Variants in MMP12 observed in about 807,000 individuals in gnomAD.
MMP12 encodes macrophage metalloelastase.
A neutral mutation model predicts 45.2 loss-of-function variants in MMP12; 51 were observed. The ratio of observed to expected loss-of-function variants is 1.13; its 90% CI spans 0.90 to 1.42. MMP12 has a LOEUF of 1.42. MMP12 is among the 40% of genes most tolerant of loss of function. The pLI is 0.00. For synonymous variants in MMP12, 210 were observed against 193.3 expected (o/e 1.09, Z -0.72); for missense variants, 530 against 570.8 (o/e 0.93, Z 0.73).
intron 4 of MMP12, 119 bp downstream of exon 4, chr11:102,871,475 A>G: frequency 7.9e-7 from 1 of 1,264,778 alleles, no homozygotes; most frequent in African/African-American, 1.5e-5. Context: ...TTTCCATCAT[A>G]TAATCATTTG....
Position 102,868,088 on chromosome 11 carries a change from A to G in MMP12, c.626-19T>C. ...TTTGTGCCTAAGAAGAAACCAACCA[A>G]AAGACAGCTGTGAAATGCATTATCA... On this transcript the variant is annotated intron_variant, in intron 4 of 9. Transcript: ENST00000571244. 1 of 1,576,640 alleles carries G rather than the reference A, an allele frequency of 6.3e-7. No individual in the cohort carries two copies. Among genetic ancestry groups the G allele is most frequent in the Non-Finnish European group, 8.6e-7 (1 of 1,157,982 alleles).
chr11:102,872,490 G>A (rs976285081), intron 2 of MMP12, among the ~76,000 whole-genome samples: 11 of 152,068 alleles, frequency 7.2e-5, no homozygotes, highest in Admixed American at 4.6e-4. Flanking sequence ...ACAGGTGCGC[G>A]CCACCACGCC....
rs782703310 is a variant in MMP12 at position 102,872,855 on chromosome 11, C to G, written c.350+10G>C. On this transcript the variant is annotated intron_variant, in intron 2 of 9. Coordinates refer to ENST00000571244, the MANE Select transcript of MMP12 (RefSeq NM_002426.6). ...GTAGAAAAATACAGGGCGACATACA[C>G]CAACGTTACCTGTAGGTGATATAAT... The G allele has an allele frequency of 3.7e-6, 6 of 1,613,024 alleles. No homozygotes were observed. The highest frequency in any genetic ancestry group is 5.1e-6 in the Non-Finnish European group (6 of 1,179,598).
intron 4 of MMP12, among the ~76,000 whole-genome samples, chr11:102,869,670 G>A (rs562560644): frequency 6.6e-6 from 1 of 152,104 alleles, no homozygotes; most frequent in Non-Finnish European, 1.5e-5. Flanking sequence ...CAGCACTTTG[G>A]GAGACCAAGG....
At chr11:102,867,491 A>G (rs187107405) in intron 5 of MMP12, 98 bp from the exon 6 acceptor site, 21 of 1,173,446 alleles carry the variant, frequency 1.8e-5, no homozygotes, top group Non-Finnish European at 2.4e-5. Context: ...CTTAATGAAC[A>G]TTGCATCAAA....
At position 102,867,932 on chromosome 11, in the gene MMP12, T is replaced by C; in HGVS notation, c.763A>G (p.Ile255Val). The change falls in exon 5 of 10, where the codon ATA (isoleucine) becomes GTA (valine). Residue 255 changes from isoleucine (I) to valine (V), a missense_variant. Transcript: ENST00000571244. ...INTFRLSADDIRGIQSLYGDP... is the reference protein window; with the variant it reads ...INTFRLSADDVRGIQSLYGDP... ...CCATACAGGGACTGAATGCCACGTA[T>C]GTCATCAGCAGAGAGGCGAAATGTG... 1.9e-6 allele frequency: 3 copies of C among 1,610,484 alleles called. No homozygotes were observed. Among genetic ancestry groups the C allele is most frequent in the South Asian group, 2.2e-5 (2 of 89,898 alleles).
intron 1 of MMP12, 66 bp from the exon 2 acceptor site, chr11:102,873,178 A>G: frequency 7.0e-7 from 1 of 1,422,860 alleles, no homozygotes; most frequent in Non-Finnish European, 9.6e-7. Context: ...GGAGCTCCAC[A>G]TATATGACTC....
At position 102,865,643 on chromosome 11, in the gene MMP12, T is replaced by C. The variant is rs1859370809; in HGVS notation, c.1205+133A>G. Reference sequence around the variant, plus strand: ...GTTGACAATAACTATTTCAGTCCTATATTCTCTTAATCTCTCTCCCTGGAA... The same window carrying C: ...GTTGACAATAACTATTTCAGTCCTACATTCTCTTAATCTCTCTCCCTGGAA... On this transcript the variant is annotated intron_variant, in intron 8 of 9. Transcript: ENST00000571244. This position sits in a 1 kb window ranked among gnomAD's most constrained non-coding sequence, Gnocchi z 4.1. 1 of 638,710 alleles carries C rather than the reference T, an allele frequency of 1.6e-6. No homozygotes were observed. The highest frequency in any genetic ancestry group is 2.5e-6 in the Non-Finnish European group (1 of 403,198). 39.6% of individuals were successfully genotyped at this position (638,710 alleles called of 1,614,324 possible).
In MMP12 at chr11:102,865,221, G is replaced by T. The variant is rs1329555451; in HGVS notation, c.1205+555C>A. Among the ~76,000 whole-genome samples, 3 of 152,104 alleles carry T rather than the reference G, an allele frequency of 2.0e-5. No homozygotes were observed. Among genetic ancestry groups the T allele is most frequent in the Non-Finnish European group, 4.4e-5 (3 of 68,004 alleles). ...AGGCAAGCAATCTAGGAAATGACTGGCTTACTCAGAAGAAGGAATACAGAA... is the reference window on the plus strand; with the variant it reads ...AGGCAAGCAATCTAGGAAATGACTGTCTTACTCAGAAGAAGGAATACAGAA... On this transcript the variant is annotated intron_variant, in intron 8 of 9. Transcript: ENST00000571244. This position sits in a 1 kb window ranked among gnomAD's most constrained non-coding sequence, Gnocchi z 4.1.
At chr11:102,869,167 C>T (rs1859448418) in intron 4 of MMP12, among the ~76,000 whole-genome samples, 1 of 152,112 alleles carries the variant, frequency 6.6e-6, no homozygotes, top group Non-Finnish European at 1.5e-5. Flanking sequence ...TTGTCTTTTT[C>T]TATGACAAAA....
At chr11:102,864,831 T>A (rs1304451666) in intron 8 of MMP12, among the ~76,000 whole-genome samples, 2 of 152,240 alleles carry the variant, frequency 1.3e-5, no homozygotes, top group African/African-American at 4.8e-5. Context: ...CTAACTGTTA[T>A]CTTGTGTTTA....
At chr11:102,863,366 T>C (rs1435285280) in intron 9 of MMP12, among the ~76,000 whole-genome samples, 166 bp from the exon 10 acceptor site, 2 of 152,160 alleles carry the variant, frequency 1.3e-5, no homozygotes, top group African/African-American at 4.8e-5. Context: ...GGAAGACTGC[T>C]TGAGGCCAGG....
intron 5 of MMP12, 138 bp downstream of exon 5, chr11:102,867,770 T>C (rs879994857): frequency 1.1e-6 from 1 of 878,654 alleles, no homozygotes; most frequent in Non-Finnish European, 1.7e-6. Context: ...AGATAATACC[T>C]GTGTCACCTG....
chr11:102,866,758 T>G (rs1859395783), intron 6 of MMP12, among the ~76,000 whole-genome samples: 1 of 152,122 alleles, frequency 6.6e-6, no homozygotes, highest in Non-Finnish European at 1.5e-5. Context: ...GTCACTATCC[T>G]CAAGTGTATC....
rs1859424167 is a variant in MMP12, at chr11:102,867,915, G to A, written c.780C>T (p.Ser260=). 5 of 1,608,970 alleles carry A rather than the reference G, an allele frequency of 3.1e-6. No homozygotes were observed. The South Asian group carries it at 3.3e-5, about 11-fold the overall frequency. ...ATAAAGAATTCAACTCACCATACAG[G>A]GACTGAATGCCACGTATGTCATCAG... ...LSADDIRGIQ[S]LYGDPKENQR... Residue 260 remains serine (S), a synonymous_variant, in exon 5 of 10, where the codon TCC becomes TCT. Coordinates refer to ENST00000571244, the MANE Select transcript of MMP12 (RefSeq NM_002426.6).
intron 4 of MMP12, among the ~76,000 whole-genome samples, 183 bp downstream of exon 4, chr11:102,871,411 C>T (rs956798265): frequency 6.6e-6 from 1 of 152,038 alleles, no homozygotes; most frequent in Non-Finnish European, 1.5e-5. Context: ...AAAATTGAGA[C>T]CCATACGAAG....
rs752906768 is a variant in MMP12, at chr11:102,865,386, G to T, written c.1205+390C>A. ...CTGACCTCCTGTCATTTAGAGGATGGTTGTCTCATTTTGTCTTTTGAATCC... is the reference window on the plus strand; with the variant it reads ...CTGACCTCCTGTCATTTAGAGGATGTTTGTCTCATTTTGTCTTTTGAATCC... On this transcript the variant is annotated intron_variant, in intron 8 of 9. Transcript: ENST00000571244. This position sits in a 1 kb window ranked among gnomAD's most constrained non-coding sequence, Gnocchi z 4.1. Among the ~76,000 whole-genome samples the T allele has an allele frequency of 4.6e-5, 7 of 152,152 alleles. No individual in the cohort carries two copies. Among genetic ancestry groups the T allele is most frequent in the African/African-American group, 1.7e-4 (7 of 41,436 alleles).
Position 102,874,841 on chromosome 11 carries a change from CA to C in MMP12, c.96del (p.Phe32LeufsTer6), listed in dbSNP as rs1555009860. 10 of 1,593,840 alleles carry C rather than the reference CA, an allele frequency of 6.3e-6. No homozygotes were observed. In the South Asian group the frequency reaches 1.1e-4, roughly 18 times the overall value. ...STSLEKNNVL[F>X]GERYLEKFYG... is the part of the protein sequence containing the mutation. Reference sequence around the variant, plus strand: ...ACTGTAGTGTCCATACTTACTTCACCAAATAGCACATTATTTTTTTCCAGGC... The same window carrying C: ...ACTGTAGTGTCCATACTTACTTCACCAATAGCACATTATTTTTTTCCAGGC... On this transcript the variant is annotated frameshift_variant, in exon 1 of 10. Transcript: ENST00000571244. LOFTEE classifies it high-confidence loss of function.
rs1208058549 is a variant in MMP12, at chr11:102,863,739, G to A, written c.1312+407C>T. ...CACCCGCAGTCCCCAGTCCATGAGGGCCTATCAGGGCAGAAGGGACTATAG... is the reference window on the plus strand; with the variant it reads ...CACCCGCAGTCCCCAGTCCATGAGGACCTATCAGGGCAGAAGGGACTATAG... On this transcript the variant is annotated intron_variant, in intron 9 of 9. Coordinates refer to ENST00000571244, the MANE Select transcript of MMP12 (RefSeq NM_002426.6). 5.9e-5 allele frequency among the ~76,000 whole-genome samples: 9 copies of A among 152,178 alleles called. No individual in the cohort carries two copies. The East Asian group carries it at 1.7e-3, about 29-fold the overall frequency.
Sources: gnomAD v4.1 joint callset for allele counts (sites outside exome capture counted in the v4.1 genomes callset) on GRCh38, gnomAD v4.1.1 for gene constraint, Gnocchi (gnomAD v3.1) non-coding constraint, MANE v1.5 for transcripts, NCBI Gene and HGNC (gene_info 2026-07-23, HGNC 2026-07-21) for gene names.